VPS13B: variants seen among roughly 807,000 people sequenced by gnomAD.
VPS13B encodes intermembrane lipid transfer protein VPS13B.
VPS13B carries 285 observed loss-of-function variants against 426.4 expected under a neutral mutation model. The observed-to-expected ratio is 0.67, with a 90% CI of 0.61 to 0.74. The LOEUF (loss-of-function observed/expected upper bound fraction) is 0.74. Ranked by LOEUF, VPS13B falls within the 30% of genes least tolerant of loss-of-function variation. The pLI is 0.00. For missense variants in VPS13B, 4,537 were observed against 4,782.6 expected (o/e 0.95, Z 1.51); for synonymous variants, 1,676 against 1,676.4 (o/e 1.00, Z 0.01).
intron 24 of VPS13B, among the ~76,000 whole-genome samples, chr8:99,475,602 G>A (rs1293367737): frequency 6.6e-6 from 1 of 152,156 alleles, no homozygotes. Context: ...TAGAGTACTT[G>A]GTATATTCTC....
chr8:99,262,457 T>G (rs2132953497), intron 17 of VPS13B, among the ~76,000 whole-genome samples: 1 of 152,308 alleles, frequency 6.6e-6, no homozygotes, highest in East Asian at 1.9e-4. Context: ...ACTAACTAGC[T>G]TTCTTGGTAC....
intron 16 of VPS13B, among the ~76,000 whole-genome samples, chr8:99,183,156 C>G (rs1390406049): frequency 2.0e-5 from 3 of 152,136 alleles, no homozygotes; most frequent in African/African-American, 7.2e-5. Flanking sequence ...GTTTTTAATA[C>G]AAAGATATGT....
chr8:99,330,311 G>A (rs555414297), intron 19 of VPS13B, among the ~76,000 whole-genome samples: 1 of 151,894 alleles, frequency 6.6e-6, no homozygotes, highest in East Asian at 1.9e-4. Flanking sequence ...CATAGAGAAT[G>A]AATGATGAGG....
At chr8:99,110,038 A>G (rs999967202) in intron 5 of VPS13B, among the ~76,000 whole-genome samples, 1 of 152,132 alleles carries the variant, frequency 6.6e-6, no homozygotes, top group African/African-American at 2.4e-5. Flanking sequence ...CATTATTCAT[A>G]TAATATGTAA....
Position 99,142,890 on chromosome 8 carries a change from A to G in VPS13B, c.1652-84A>G, listed in dbSNP as rs1344491263. The G allele has an allele frequency of 4.2e-6, 6 of 1,431,756 alleles. No homozygotes were observed. In the South Asian group the frequency reaches 5.3e-5, roughly 13 times the overall value. The allele number at this position is 1,431,756 out of a possible 1,614,324, so 88.7% of individuals were successfully genotyped here. A position where few individuals can be genotyped will look rare whatever the true frequency, so the allele number is the denominator to read the frequency against. On this transcript the variant is annotated intron_variant, in intron 12 of 61. Coordinates refer to ENST00000357162, the MANE Select transcript of VPS13B (RefSeq NM_152564.5). Reference sequence around the variant, plus strand: ...GTTTTAAGGCATTAAGCTACAAGCTATAAAAATGAGAGAAGAGCGATTTTA... The same window carrying G: ...GTTTTAAGGCATTAAGCTACAAGCTGTAAAAATGAGAGAAGAGCGATTTTA...
intron 19 of VPS13B, among the ~76,000 whole-genome samples, chr8:99,325,906 T>G (rs1810232986): frequency 1.3e-5 from 2 of 152,192 alleles, no homozygotes; most frequent in Admixed American, 1.3e-4. Flanking sequence ...AAAATAAATT[T>G]TTATTCTTTA....
At chr8:99,666,679 A>G (rs1020819546) in intron 35 of VPS13B, among the ~76,000 whole-genome samples, 6 of 152,226 alleles carry the variant, frequency 3.9e-5, no homozygotes, top group Admixed American at 6.5e-5. Flanking sequence ...AGAGCTATCT[A>G]TGATAAATCC....
chr8:99,514,268 C>T (rs1162060566), intron 29 of VPS13B, among the ~76,000 whole-genome samples: 1 of 151,942 alleles, frequency 6.6e-6, no homozygotes, highest in Non-Finnish European at 1.5e-5. Context: ...ATTTGGAAAC[C>T]TTGTTTTTTC....
intron 3 of VPS13B, among the ~76,000 whole-genome samples, chr8:99,051,752 T>C (rs543948785): frequency 6.6e-6 from 1 of 152,292 alleles, no homozygotes; most frequent in African/African-American, 2.4e-5. Context: ...TCACATCCCT[T>C]GTAAGTTGGA....
At chr8:99,622,491 A>G (rs1828404722) in intron 33 of VPS13B, among the ~76,000 whole-genome samples, 1 of 152,248 alleles carries the variant, frequency 6.6e-6, no homozygotes, top group Admixed American at 6.5e-5. Flanking sequence ...CAGTGAGAGA[A>G]GTAGTATCCT....
chr8:99,333,264 C>T (rs545001571), intron 19 of VPS13B, among the ~76,000 whole-genome samples: 5 of 151,756 alleles, frequency 3.3e-5, no homozygotes, highest in African/African-American at 9.6e-5. Flanking sequence ...GAAAGATGTG[C>T]ATGAAAAGTA....
At chr8:99,868,089 A>G in intron 58 of VPS13B, 200 bp from the exon 59 acceptor site, 1 of 625,462 alleles carries the variant, frequency 1.6e-6, no homozygotes, top group Non-Finnish European at 2.7e-6. Flanking sequence ...CTCCGTCTGA[A>G]CATTGTATTT....
chr8:99,097,438 A>G (rs1457567316), intron 4 of VPS13B, among the ~76,000 whole-genome samples: 1 of 152,136 alleles, frequency 6.6e-6, no homozygotes, highest in African/African-American at 2.4e-5. Flanking sequence ...ATTGAGGGCT[A>G]TTTTTGCCCT....
intron 30 of VPS13B, among the ~76,000 whole-genome samples, chr8:99,525,696 C>T (rs1822605666): frequency 6.6e-6 from 1 of 152,108 alleles, no homozygotes; most frequent in African/African-American, 2.4e-5. Context: ...TCTCACAGAA[C>T]TTACATTCTA....
At chr8:99,094,894 C>T (rs747326039) in intron 3 of VPS13B, among the ~76,000 whole-genome samples, 4 of 151,986 alleles carry the variant, frequency 2.6e-5, no homozygotes, top group Non-Finnish European at 1.5e-5. Flanking sequence ...TCTCAGCTAC[C>T]CTTTGTGTTG....
intron 43 of VPS13B, among the ~76,000 whole-genome samples, chr8:99,794,314 G>T (rs1812698762): frequency 6.6e-6 from 1 of 152,186 alleles, no homozygotes. Context: ...CCCAAGGAGA[G>T]AGTGCTAAGA....
intron 33 of VPS13B, among the ~76,000 whole-genome samples, chr8:99,625,927 C>T (rs1828594042): frequency 6.6e-6 from 1 of 152,062 alleles, no homozygotes; most frequent in South Asian, 2.1e-4. Flanking sequence ...AAGAAGACTA[C>T]AGTACTAAAA....
At chr8:99,560,213 G>A (rs941524628) in intron 31 of VPS13B, among the ~76,000 whole-genome samples, 10 of 152,094 alleles carry the variant, frequency 6.6e-5, no homozygotes, top group Admixed American at 6.6e-4. Flanking sequence ...CTGTTTGTCT[G>A]TTATTGGTGA....
At position 99,835,327 on chromosome 8, in the gene VPS13B, A is replaced by G. The variant is rs375183964; in HGVS notation, c.9742+3A>G. 3 of 1,609,426 alleles carry G rather than the reference A, an allele frequency of 1.9e-6. No homozygotes were observed. The highest frequency in any genetic ancestry group is 2.7e-5 in the African/African-American group (2 of 74,934). ...GCTTATAAAGGAAAACATTAAAGGT[A>G]TGTTTTATACTATCGAATTTAGATA... is the stretch of plus-strand genomic sequence containing the variant. On this transcript the variant is annotated splice_donor_region_variant and intron_variant, in intron 53 of 61. Coordinates refer to ENST00000357162, the MANE Select transcript of VPS13B (RefSeq NM_152564.5).
Sources: allele counts gnomAD v4.1 joint callset (sites outside exome capture counted in the v4.1 genomes callset), GRCh38; gene constraint gnomAD v4.1.1; transcripts MANE v1.5; gene names NCBI Gene and HGNC (gene_info 2026-07-23, HGNC 2026-07-21).